GDI2: variants seen among roughly 807,000 people sequenced by gnomAD.
GDI2 encodes GDP dissociation inhibitor 2, also known as rab GDP dissociation inhibitor beta.
In GDI2, 22 loss-of-function variants were observed where a neutral mutation model predicts 54.2. The observed-to-expected ratio is 0.41, with a 90% CI of 0.29 to 0.58. The LOEUF is 0.58. GDI2 is among the 20% of genes least tolerant of loss of function. GDI2 has a pLI of 0.35. For synonymous variants in GDI2, 177 were observed against 182.1 expected (o/e 0.97, Z 0.23); for missense variants, 422 against 546.0 (o/e 0.77, Z 2.26).
intron 1 of GDI2, among the ~76,000 whole-genome samples, chr10:5,811,583 G>A (rs1403256091): frequency 6.7e-6 from 1 of 149,504 alleles, no homozygotes; most frequent in East Asian, 2.0e-4. Flanking sequence ...CACGCTGGCA[G>A]CAACACTACC....
chr10:5,804,159 T>C (rs1841325987), intron 1 of GDI2, among the ~76,000 whole-genome samples: 2 of 152,074 alleles, frequency 1.3e-5, no homozygotes, highest in South Asian at 2.1e-4. Flanking sequence ...AGTGGCGCGA[T>C]CTTGGCTCAA....
chr10:5,780,828 T>A (rs1176109444), intron 6 of GDI2, among the ~76,000 whole-genome samples: 2 of 152,176 alleles, frequency 1.3e-5, no homozygotes, highest in African/African-American at 4.8e-5. Context: ...ATGATCATTT[T>A]CTCCAAACTC....
chr10:5,791,679 G>A (rs1038113283), intron 4 of GDI2, among the ~76,000 whole-genome samples: 5 of 151,384 alleles, frequency 3.3e-5, no homozygotes, highest in South Asian at 2.1e-4. Flanking sequence ...CCCAGGAGGC[G>A]GAGGTTGCAG....
rs190179990 is a variant in GDI2 at position 5,784,572 on chromosome 10, T to C, written c.719+570A>G. On this transcript the variant is annotated intron_variant, in intron 6 of 10. Coordinates refer to ENST00000380191, the MANE Select transcript of GDI2 (RefSeq NM_001494.4). The stretch of plus-strand genomic sequence containing the variant: ...GATAGACTATGTCAGAGGGAAGATC[T>C]GGAACTCAAGGGCTGCTGTTCAGAT... 2.6e-5 allele frequency among the ~76,000 whole-genome samples: 4 copies of C among 152,356 alleles called. No homozygotes were observed. In the East Asian group the frequency reaches 5.8e-4, roughly 22 times the overall value.
At chr10:5,803,278 T>G (rs1277017689) in intron 1 of GDI2, among the ~76,000 whole-genome samples, 1 of 152,086 alleles carries the variant, frequency 6.6e-6, no homozygotes, top group Non-Finnish European at 1.5e-5. Context: ...AAAAATTAGC[T>G]GGGTGTGGTG....
intron 4 of GDI2, among the ~76,000 whole-genome samples, chr10:5,791,362 C>G (rs915848464): frequency 6.6e-6 from 1 of 152,076 alleles, no homozygotes; most frequent in African/African-American, 2.4e-5. Context: ...GTAACCCCAG[C>G]ACTTTGGGAG....
chr10:5,795,451 A>G lies in GDI2; in HGVS notation c.254-432T>C, dbSNP rs376922711. On this transcript the variant is annotated intron_variant, in intron 3 of 10. Transcript: ENST00000380191. Reference sequence around the variant, plus strand: ...TAACCTCCAAAGCTGTATTTTAAATAGGACAACCAGAATGCAAACTTATTG... The same window carrying G: ...TAACCTCCAAAGCTGTATTTTAAATGGGACAACCAGAATGCAAACTTATTG... 4.1e-4 allele frequency among the ~76,000 whole-genome samples: 63 copies of G among 152,350 alleles called. 2 individuals are homozygous for G. The South Asian group carries it at 0.012, about 28-fold the overall frequency.
intron 6 of GDI2, among the ~76,000 whole-genome samples, chr10:5,775,213 G>C (rs1840592241): frequency 6.6e-6 from 1 of 152,058 alleles, no homozygotes; most frequent in African/African-American, 2.4e-5. Context: ...ACTTGAGCCT[G>C]AGAGGTCGAG....
chr10:5,801,133 A>T (rs1422044255), intron 1 of GDI2, among the ~76,000 whole-genome samples: 1 of 151,734 alleles, frequency 6.6e-6, no homozygotes, highest in Non-Finnish European at 1.5e-5. Flanking sequence ...TTGTATTTTT[A>T]GCAGAGACAG....
At chr10:5,785,398 A>T in intron 5 of GDI2, 125 bp from the exon 6 acceptor site, 1 of 713,658 alleles carries the variant, frequency 1.4e-6, no homozygotes, top group Non-Finnish European at 2.4e-6. Context: ...TTTTTGAGAC[A>T]GGGTCTCACT....
Position 5,776,428 on chromosome 10 carries a change from G to T in GDI2, c.720-2487C>A. On this transcript the variant is annotated intron_variant, in intron 6 of 10. Coordinates refer to ENST00000380191, the MANE Select transcript of GDI2 (RefSeq NM_001494.4). The surrounding 1 kb of genome is among the most constrained non-coding windows in gnomAD (Gnocchi z 5.3). Reference sequence around the variant, plus strand: ...CCTGAGATTCAAGGGATCTTTGACAGGGATCCAGACACGCTACTATTTTTA... The same window carrying T: ...CCTGAGATTCAAGGGATCTTTGACATGGATCCAGACACGCTACTATTTTTA... The T allele has an allele frequency of 1.2e-6, 1 of 809,122 alleles. No homozygotes were observed. The highest frequency in any genetic ancestry group is 2.2e-6 in the Non-Finnish European group (1 of 456,104). 50.1% of individuals were successfully genotyped at this position (809,122 alleles called of 1,614,324 possible). A position where few individuals can be genotyped will look rare whatever the true frequency, so the allele number is the denominator to read the frequency against.
rs368972846 is a variant in GDI2, at chr10:5,766,141, G to C, written c.1203C>G (p.Ser401=). 2.5e-4 allele frequency: 398 copies of C among 1,613,554 alleles called. 1 individual carries two copies. The highest frequency in any genetic ancestry group is 3.1e-4 in the Non-Finnish European group (364 of 1,179,656). Residue 401 remains serine, a synonymous_variant, in exon 11 of 11, where the codon TCC becomes TCG. Transcript: ENST00000380191. The surrounding 1 kb of genome is among the most constrained non-coding windows in gnomAD (Gnocchi z 5.8). ...AATGAGTGGTGGCATCATATGTGCG[G>C]GAAATAAAGATCTGAAAACAAAAAT... is the stretch of plus-strand genomic sequence containing the variant. The part of the protein sequence containing the change: ...DLGTESQIFI[S]RTYDATTHFE...
chr10:5,812,940 G>A (rs947957880), intron 1 of GDI2, among the ~76,000 whole-genome samples: 2 of 152,202 alleles, frequency 1.3e-5, no homozygotes, highest in African/African-American at 2.4e-5. Flanking sequence ...CTGGGGGCAA[G>A]CGCAGAGGCC....
intron 1 of GDI2, among the ~76,000 whole-genome samples, chr10:5,806,359 A>AAGCCCAAGAGTTCAACAACACC (rs6143757): frequency 1.3e-5 from 2 of 150,992 alleles, no homozygotes; most frequent in African/African-American, 4.9e-5. Context: ...AGAATCGCTT[A>AAGCCCAAGAGTTCAACAACACC]AGCCCAGGTA....
intron 1 of GDI2, among the ~76,000 whole-genome samples, chr10:5,804,320 C>T (rs781285915): frequency 6.6e-6 from 1 of 152,172 alleles, no homozygotes; most frequent in Non-Finnish European, 1.5e-5. Flanking sequence ...TCTTGAACTC[C>T]TGGCCTCAAG....
Position 5,766,464 on chromosome 10 carries a change from T to A in GDI2, c.1136+30A>T. 6.2e-7 allele frequency: 1 copy of A among 1,611,708 alleles called. No individual in the cohort carries two copies. Among genetic ancestry groups the A allele is most frequent in the Non-Finnish European group, 8.5e-7 (1 of 1,178,938 alleles). On this transcript the variant is annotated intron_variant, in intron 9 of 10. Transcript: ENST00000380191. The surrounding 1 kb of genome is among the most constrained non-coding windows in gnomAD (Gnocchi z 5.8). ...CCACAATCAAAGGCCTCAGTTTGCA[T>A]CTCGGCAGATATAAAAGAACACAAC...
At chr10:5,804,590 A>G (rs1841336544) in intron 1 of GDI2, among the ~76,000 whole-genome samples, 1 of 152,100 alleles carries the variant, frequency 6.6e-6, no homozygotes, top group South Asian at 2.1e-4. Flanking sequence ...ATTATGCAAC[A>G]CGTTTTAAGA....
rs533101078 is a variant in GDI2, at chr10:5,781,429, C to T, written c.719+3713G>A. The stretch of plus-strand genomic sequence containing the variant: ...GATCATGAAGTCAGCAGATCGACAC[C>T]ATCCCGGCTAACAGTGAAACCCCGT... On this transcript the variant is annotated intron_variant, in intron 6 of 10. Transcript: ENST00000380191. Among the ~76,000 whole-genome samples, 4 of 150,346 alleles carry T rather than the reference C, an allele frequency of 2.7e-5. No homozygotes were observed. In the East Asian group the frequency reaches 8.1e-4, roughly 30 times the overall value.
chr10:5,785,516 A>C (rs531934503), intron 5 of GDI2, among the ~76,000 whole-genome samples: 1 of 152,088 alleles, frequency 6.6e-6, no homozygotes, highest in Non-Finnish European at 1.5e-5. Flanking sequence ...CTGGAATTAC[A>C]GGGACGCACC....
Sources: allele counts gnomAD v4.1 joint callset (sites outside exome capture counted in the v4.1 genomes callset), GRCh38; gene constraint gnomAD v4.1.1; non-coding constraint Gnocchi (gnomAD v3.1); transcripts MANE v1.5; gene names NCBI Gene and HGNC (gene_info 2026-07-23, HGNC 2026-07-21).